The following SYTL3 variants were observed in gnomAD, a reference collection of about 807,000 sequenced individuals.
SYTL3 encodes synaptotagmin-like protein 3.
SYTL3 carries 88 observed loss-of-function variants against 82.1 expected under a neutral mutation model. That is an observed-to-expected ratio of 1.07 (90% CI 0.90 to 1.28). SYTL3 has a LOEUF of 1.28. Among genes scored for constraint, SYTL3 ranks in the 50% most tolerant of loss-of-function variants. The pLI is 0.00. For missense variants in SYTL3, 831 were observed against 757.6 expected (o/e 1.10, Z -1.14); for synonymous variants, 311 against 289.4 (o/e 1.07, Z -0.76).
chr6:158,700,841 C>T (rs937801864), intron 6 of SYTL3, among the ~76,000 whole-genome samples: 7 of 152,166 alleles, frequency 4.6e-5, no homozygotes, highest in South Asian at 2.1e-4. Context: ...TGGTCTCGAT[C>T]TCCTGACCTC....
At chr6:158,741,332 G>A (rs1169013378) in intron 11 of SYTL3, among the ~76,000 whole-genome samples, 2 of 152,192 alleles carry the variant, frequency 1.3e-5, no homozygotes, top group African/African-American at 2.4e-5. Context: ...GCCTCCCAAA[G>A]TGCTGGGACT....
At position 158,665,459 on chromosome 6, in the gene SYTL3, A is replaced by C. The variant is rs1284127730; in HGVS notation, c.175A>C (p.Lys59Gln). The C allele has an allele frequency of 1.9e-6, 3 of 1,609,156 alleles. No individual in the cohort carries two copies. The Admixed American group carries it at 5.1e-5, about 27-fold the overall frequency. ...AGCGAAGAACACGGACTGGGAGCAC[A>C]AAGAGAAGTGCTGTGCGCGCTGCCA... ...KGAKNTDWEH[K>Q]EKCCARCQQV... is the part of the protein sequence containing the mutation. The change falls in exon 5 of 18, where the codon AAA becomes CAA. Residue 59 changes from lysine (K) to glutamine (Q), a missense_variant. Transcript: ENST00000611299.
At position 158,764,554 on chromosome 6, in the gene SYTL3, G is replaced by A; in HGVS notation, c.1783G>A (p.Val595Ile). The A allele has an allele frequency of 6.2e-7, 1 of 1,614,174 alleles. No homozygotes were observed. The highest frequency in any genetic ancestry group is 8.5e-7 in the Non-Finnish European group (1 of 1,180,020). The change falls in exon 18 of 18, where the codon GTC becomes ATC. Residue 595 changes from valine to isoleucine, a missense_variant. By Grantham distance (29) the Val-to-Ile change is conservative. Transcript: ENST00000611299. ...ACTATCGAAGCTCCAGTGGCAGAAAGTCCTTTCCAGCCCCAATCTATGGAC... is the reference window on the plus strand; with the variant it reads ...ACTATCGAAGCTCCAGTGGCAGAAAATCCTTTCCAGCCCCAATCTATGGAC... ...CSLSKLQWQK[V>I]LSSPNLWTDM...
intron 9 of SYTL3, among the ~76,000 whole-genome samples, chr6:158,716,469 G>A (rs1233764067): frequency 6.6e-6 from 1 of 152,126 alleles, no homozygotes; most frequent in Non-Finnish European, 1.5e-5. Flanking sequence ...CCATCTGAGC[G>A]TGTCCTTTAC....
intron 5 of SYTL3, among the ~76,000 whole-genome samples, chr6:158,675,396 C>T (rs1777911969): frequency 6.6e-6 from 1 of 152,178 alleles, no homozygotes; most frequent in South Asian, 2.1e-4. Context: ...TGATAGTTAC[C>T]TAGGATTCAA....
intron 11 of SYTL3, among the ~76,000 whole-genome samples, chr6:158,729,888 C>CT (rs57184517): frequency 4.0e-5 from 6 of 151,238 alleles, no homozygotes; most frequent in Non-Finnish European, 7.4e-5. Context: ...TTAAAGTTTC[C>CT]TTTTTTTTGT....
intron 6 of SYTL3, among the ~76,000 whole-genome samples, chr6:158,706,440 G>A (rs529814572): frequency 1.3e-5 from 2 of 152,186 alleles, no homozygotes; most frequent in African/African-American, 4.8e-5. Context: ...TGGTTTTTTT[G>A]GAATGGCTGA....
At chr6:158,716,332 G>A (rs1240524782) in intron 9 of SYTL3, among the ~76,000 whole-genome samples, 1 of 152,160 alleles carries the variant, frequency 6.6e-6, no homozygotes, top group African/African-American at 2.4e-5. Flanking sequence ...CCTCATCTGT[G>A]AACTTTCAAT....
At chr6:158,754,526 T>C (rs3127228) in intron 13 of SYTL3, among the ~76,000 whole-genome samples, 86,995 of 152,012 alleles carry the variant, frequency 0.57, 26,104 homozygotes, top group African/African-American at 0.7. Context: ...CGAGACCATC[T>C]TGGCTAACAC....
chr6:158,692,585 T>C (rs1562382403), intron 6 of SYTL3, among the ~76,000 whole-genome samples: 1 of 152,074 alleles, frequency 6.6e-6, no homozygotes, highest in African/African-American at 2.4e-5. Context: ...CACAGGGTTA[T>C]GAGGACGGCA....
intron 11 of SYTL3, among the ~76,000 whole-genome samples, chr6:158,732,144 A>G (rs757052913): frequency 2.4e-4 from 37 of 152,270 alleles, no homozygotes; most frequent in Admixed American, 1.5e-3. Context: ...TGCTTAGTCT[A>G]ATGTCCTATA....
chr6:158,756,585 G>A (rs530231913), intron 13 of SYTL3, among the ~76,000 whole-genome samples: 248 of 152,022 alleles, frequency 1.6e-3, no homozygotes, highest in Non-Finnish European at 2.1e-3. Flanking sequence ...GGTGTTGGGC[G>A]TCTATAGTCC....
chr6:158,725,665 TG>T (rs753231072), intron 11 of SYTL3, 28 bp downstream of exon 11: 10 of 969,114 alleles, frequency 1.0e-5, no homozygotes, highest in Non-Finnish European at 1.2e-5. Flanking sequence ...GCTCTTTTTT[TG>T]TTTTTTTGTT....
chr6:158,671,204 TAGTGTGTGTG>T (rs1777346699), intron 5 of SYTL3, among the ~76,000 whole-genome samples: 1 of 152,212 alleles, frequency 6.6e-6, no homozygotes, highest in Non-Finnish European at 1.5e-5. Flanking sequence ...GCTTTGACAA[TAGTGTGTGTG>T]TCATTCTTCT....
chr6:158,708,271 C>T (rs771547218), intron 7 of SYTL3, 51 bp from the exon 8 acceptor site: 24 of 1,430,776 alleles, frequency 1.7e-5, no homozygotes, highest in East Asian at 2.3e-5. Flanking sequence ...GTAAAACTAA[C>T]GGCTTGCATG....
chr6:158,752,745 C>T (rs1326789231), intron 13 of SYTL3, among the ~76,000 whole-genome samples: 3 of 152,192 alleles, frequency 2.0e-5, no homozygotes, highest in Non-Finnish European at 2.9e-5. Context: ...GAGGTCCCCT[C>T]GTCTCATGCC....
intron 11 of SYTL3, among the ~76,000 whole-genome samples, chr6:158,743,831 A>G (rs576082577): frequency 6.6e-5 from 10 of 152,160 alleles, no homozygotes; most frequent in African/African-American, 2.4e-4. Context: ...TTTCAGAGCC[A>G]GTGACTGGAT....
intron 5 of SYTL3, among the ~76,000 whole-genome samples, chr6:158,676,054 C>T (rs1309183342): frequency 6.6e-6 from 1 of 152,192 alleles, no homozygotes; most frequent in African/African-American, 2.4e-5. Flanking sequence ...GAAAAAACTA[C>T]TTTCAAGTTC....
At chr6:158,764,140 G>A (rs1409249154) in intron 17 of SYTL3, among the ~76,000 whole-genome samples, 2 of 152,240 alleles carry the variant, frequency 1.3e-5, no homozygotes, top group Non-Finnish European at 2.9e-5. Flanking sequence ...CTTCCCATGG[G>A]CAAGCCCAGC....
Sources: allele counts gnomAD v4.1 joint callset (sites outside exome capture counted in the v4.1 genomes callset), GRCh38; gene constraint gnomAD v4.1.1; transcripts MANE v1.5; gene names NCBI Gene and HGNC (gene_info 2026-07-23, HGNC 2026-07-21).